SAMD4A: variants seen among roughly 807,000 people sequenced by gnomAD.
SAMD4A encodes the protein protein Smaug homolog 1.
In SAMD4A, 33 loss-of-function variants were observed where a neutral mutation model predicts 81.3. The ratio of observed to expected loss-of-function variants is 0.41; its 90% CI spans 0.31 to 0.54. SAMD4A has a LOEUF of 0.54. Among genes scored for constraint, SAMD4A ranks in the 20% least tolerant of loss-of-function variants. The pLI, the probability that SAMD4A is intolerant of heterozygous loss-of-function variation, is 0.37. For missense variants in SAMD4A, 854 were observed against 951.1 expected (o/e 0.90, Z 1.34); for synonymous variants, 389 against 382.1 (o/e 1.02, Z -0.21).
rs74055554 is a variant in SAMD4A at position 54,655,042 on chromosome 14, G to C, written c.197-47020G>C. ...CTCTTCCTTGGCTTTTTTCATCGGA[G>C]ACTAGGATCTTAGCCTCAGCTTTGC... On this transcript the variant is annotated intron_variant, in intron 2 of 12. Coordinates refer to ENST00000554335, the MANE Select transcript of SAMD4A (RefSeq NM_015589.6). Among the ~76,000 whole-genome samples the C allele has an allele frequency of 3.6e-3, 541 of 152,306 alleles. 1 individual carries two copies. The highest frequency in any genetic ancestry group is 0.012 in the African/African-American group (511 of 41,576).
At chr14:54,592,704 C>G (rs1003276304) in intron 2 of SAMD4A, among the ~76,000 whole-genome samples, 3 of 152,192 alleles carry the variant, frequency 2.0e-5, no homozygotes, top group Admixed American at 2.0e-4. Context: ...CGTGATCCCC[C>G]TGTCTTGGCC....
chr14:54,725,327 T>C lies in SAMD4A; in HGVS notation c.716-11697T>C, dbSNP rs201014717. 2.0e-5 allele frequency among the ~76,000 whole-genome samples: 3 copies of C among 152,280 alleles called. No individual in the cohort carries two copies. In the East Asian group the frequency reaches 5.8e-4, roughly 29 times the overall value. On this transcript the variant is annotated intron_variant, in intron 3 of 12. Coordinates refer to ENST00000554335, the MANE Select transcript of SAMD4A (RefSeq NM_015589.6). Reference sequence around the variant, plus strand: ...TCACATCTCCTGACCCTCCATAAAATACACATGAAATGTGGACACTTAAAA... The same window carrying C: ...TCACATCTCCTGACCCTCCATAAAACACACATGAAATGTGGACACTTAAAA...
At chr14:54,737,373 A>G (rs2037722357) in intron 4 of SAMD4A, 86 bp downstream of exon 4, 1 of 1,497,612 alleles carries the variant, frequency 6.7e-7, no homozygotes, top group Non-Finnish European at 9.1e-7. Context: ...GTAGTCAGCA[A>G]GAGAGAAGGA....
rs2032968975 is a variant in SAMD4A, at chr14:54,567,287, A to T, written c.-473A>T. The T allele has an allele frequency of 6.6e-6, 1 of 152,206 alleles. No individual in the cohort carries two copies. 9.4% of individuals were successfully genotyped at this position (152,206 alleles called of 1,614,324 possible). A position where few individuals can be genotyped will look rare whatever the true frequency, so the allele number is the denominator to read the frequency against. On this transcript the variant is annotated 5_prime_UTR_variant, in exon 1 of 13. Transcript: ENST00000554335. ...CGCGGGGTCTCCTCCCGCACCTGGGAAGCAGGCTTCTCGCTGTTACCCGGT... is the reference window on the plus strand; with the variant it reads ...CGCGGGGTCTCCTCCCGCACCTGGGTAGCAGGCTTCTCGCTGTTACCCGGT...
chr14:54,748,995 C>T (rs1336912533), intron 5 of SAMD4A, 71 bp downstream of exon 5: 10 of 1,103,402 alleles, frequency 9.1e-6, no homozygotes, highest in Admixed American at 2.0e-5. Flanking sequence ...GCCTGGACAA[C>T]CTTGTTTGGA....
chr14:54,784,528 C>T lies in SAMD4A; in HGVS notation c.2045-9C>T, dbSNP rs774022196. 42 of 1,614,006 alleles carry T rather than the reference C, an allele frequency of 2.6e-5. No homozygotes were observed. Among genetic ancestry groups the T allele is most frequent in the South Asian group, 2.2e-5 (2 of 91,070 alleles). ...CCTTGTCACCAACATAACCCTTTAT[C>T]GCCTGCAGAATTCCAGCTTCCCGTG... On this transcript the variant is annotated splice_polypyrimidine_tract_variant and intron_variant, in intron 11 of 12. Transcript: ENST00000554335.
intron 2 of SAMD4A, among the ~76,000 whole-genome samples, chr14:54,595,651 A>T (rs894106213): frequency 3.3e-5 from 5 of 152,098 alleles, no homozygotes; most frequent in African/African-American, 1.2e-4. Context: ...ACTTGGATTA[A>T]GCAGGGTACT....
At position 54,567,643 on chromosome 14, in the gene SAMD4A, A is replaced by G. The variant is rs946612729; in HGVS notation, c.-274A>G. ...CATTCAGTTGTGTGCCTTGTGGGGG[A>G]TTTTTAAAAAGTCGTTTTTTTTTTT... is the stretch of plus-strand genomic sequence containing the variant. On this transcript the variant is annotated 5_prime_UTR_variant, in exon 2 of 13. Transcript: ENST00000554335. 2.6e-5 allele frequency: 12 copies of G among 459,794 alleles called. No individual in the cohort carries two copies. Among genetic ancestry groups the G allele is most frequent in the Non-Finnish European group, 3.8e-6 (1 of 265,140 alleles). The allele number at this position is 459,794 out of a possible 1,614,324, so 28.5% of individuals were successfully genotyped here. A position where few individuals can be genotyped will look rare whatever the true frequency, so the allele number is the denominator to read the frequency against.
At chr14:54,593,537 CAAG>C (rs2033836860) in intron 2 of SAMD4A, among the ~76,000 whole-genome samples, 1 of 152,026 alleles carries the variant, frequency 6.6e-6, no homozygotes. Context: ...GGGGCAAATA[CAAG>C]AAGGAAAGAG....
chr14:54,591,317 G>A (rs2033768941), intron 2 of SAMD4A, among the ~76,000 whole-genome samples: 2 of 152,084 alleles, frequency 1.3e-5, no homozygotes, highest in Admixed American at 6.5e-5. Context: ...GTATTAGGGG[G>A]TGGTTTGCCA....
intron 2 of SAMD4A, among the ~76,000 whole-genome samples, chr14:54,597,795 T>C (rs2033951768): frequency 6.6e-6 from 1 of 152,016 alleles, no homozygotes; most frequent in South Asian, 2.1e-4. Context: ...TTTTGCCATA[T>C]TGCCCAGGTC....
intron 6 of SAMD4A, among the ~76,000 whole-genome samples, chr14:54,755,646 T>C (rs1170799402): frequency 1.3e-5 from 2 of 152,026 alleles, no homozygotes; most frequent in Non-Finnish European, 2.9e-5. Context: ...GCCATGATGA[T>C]AGGAGTTTTA....
intron 2 of SAMD4A, among the ~76,000 whole-genome samples, chr14:54,662,858 G>A (rs972880799): frequency 6.6e-6 from 1 of 152,164 alleles, no homozygotes; most frequent in Non-Finnish European, 1.5e-5. Context: ...CCCCCAGAGA[G>A]GTCTTGGACA....
chr14:54,762,826 T>G (rs1036356450), intron 7 of SAMD4A, among the ~76,000 whole-genome samples: 2 of 151,852 alleles, frequency 1.3e-5, no homozygotes, highest in African/African-American at 4.8e-5. Flanking sequence ...TTTCAGAAAC[T>G]TCATCATCAT....
At chr14:54,724,073 A>T (rs539298358) in intron 3 of SAMD4A, among the ~76,000 whole-genome samples, 1 of 137,328 alleles carries the variant, frequency 7.3e-6, no homozygotes, top group Admixed American at 7.3e-5. Flanking sequence ...GCATCTATTC[A>T]TAGGACCCCC....
At chr14:54,604,895 C>T (rs968654352) in intron 2 of SAMD4A, among the ~76,000 whole-genome samples, 2 of 152,154 alleles carry the variant, frequency 1.3e-5, no homozygotes, top group East Asian at 3.8e-4. Context: ...TGTTAATGTG[C>T]ATTTCTAGAC....
intron 11 of SAMD4A, among the ~76,000 whole-genome samples, chr14:54,780,324 T>C (rs2038968335): frequency 6.6e-6 from 1 of 152,172 alleles, no homozygotes; most frequent in Admixed American, 6.5e-5. Flanking sequence ...GCAAACCTCC[T>C]CTAAGTACCA....
intron 2 of SAMD4A, among the ~76,000 whole-genome samples, chr14:54,600,609 A>G (rs1401710293): frequency 2.6e-5 from 4 of 152,212 alleles, no homozygotes; most frequent in Non-Finnish European, 4.4e-5. Context: ...TTGAGTTGCC[A>G]TCTCCCAAGT....
At chr14:54,711,664 G>A (rs2036992508) in intron 3 of SAMD4A, among the ~76,000 whole-genome samples, 1 of 152,134 alleles carries the variant, frequency 6.6e-6, no homozygotes, top group South Asian at 2.1e-4. Context: ...AGGGGTTCGG[G>A]GGAGGACATT....
Sources: allele counts gnomAD v4.1 joint callset (sites outside exome capture counted in the v4.1 genomes callset), GRCh38; gene constraint gnomAD v4.1.1; transcripts MANE v1.5; gene names NCBI Gene and HGNC (gene_info 2026-07-23, HGNC 2026-07-21).